CRB1: variants seen among roughly 807,000 people sequenced by gnomAD.
The protein encoded by CRB1 is crumbs cell polarity complex component 1.
A neutral mutation model predicts 120.0 loss-of-function variants in CRB1; 83 were observed. That is an observed-to-expected ratio of 0.69 (90% CI 0.58 to 0.83). The LOEUF (loss-of-function observed/expected upper bound fraction) is 0.83, where lower values mean the gene tolerates loss of function less well. CRB1 is among the 40% of genes least tolerant of loss of function. CRB1 has a pLI of 0.00. For missense variants in CRB1, 1,699 were observed against 1,687.6 expected, an observed-to-expected ratio of 1.01 and a Z score of -0.12; for synonymous variants, 625 against 612.5, an observed-to-expected ratio of 1.02 and a Z score of -0.30.
chr1:197,251,588 A>G, the CRB1 span, among the ~76,000 whole-genome samples: 1 of 152,078 alleles, frequency 6.6e-6, no homozygotes, highest in South Asian at 2.1e-4. Flanking sequence ...TACTTTTGTC[A>G]TGGCAAATGA....
At chr1:197,334,358 CT>C (rs1299360973) in intron 2 of CRB1, among the ~76,000 whole-genome samples, 1 of 152,202 alleles carries the variant, frequency 6.6e-6, no homozygotes, top group Non-Finnish European at 1.5e-5. Context: ...TGATTGCCTC[CT>C]CCAATACTCA....
intron 10 of CRB1, chr1:197,440,328 A>G (rs1665372002): frequency 6.6e-6 from 1 of 152,214 alleles, no homozygotes; most frequent in South Asian, 2.1e-4. Context: ...TACAAAATTT[A>G]TATTTGACAT....
At chr1:197,207,145 G>C in the CRB1 span, among the ~76,000 whole-genome samples, 2 of 152,050 alleles carry the variant, frequency 1.3e-5, no homozygotes, top group Non-Finnish European at 2.9e-5. Context: ...CAAACACTTG[G>C]TTGGTGAATT....
At chr1:197,325,337 A>G (rs529539725) in intron 1 of CRB1, among the ~76,000 whole-genome samples, 1 of 152,188 alleles carries the variant, frequency 6.6e-6, no homozygotes, top group Non-Finnish European at 1.5e-5. Flanking sequence ...CTCCAGTAGC[A>G]TTGTTTATAC....
At chr1:197,308,252 A>C (rs1349946034) in intron 1 of CRB1, among the ~76,000 whole-genome samples, 1 of 152,168 alleles carries the variant, frequency 6.6e-6, no homozygotes, top group Non-Finnish European at 1.5e-5. Flanking sequence ...ATGGACATAA[A>C]TATGGGAATA....
chr1:197,265,708 A>G (rs1654616762), upstream of CRB1, among the ~76,000 whole-genome samples: 1 of 152,144 alleles, frequency 6.6e-6, no homozygotes, highest in Admixed American at 6.5e-5. Flanking sequence ...ATTCGTTTTC[A>G]TGTTGCCTTA....
At chr1:197,278,162 TG>T (rs1003937808) in intron 1 of CRB1, among the ~76,000 whole-genome samples, 7 of 151,662 alleles carry the variant, frequency 4.6e-5, no homozygotes, top group African/African-American at 1.7e-4. Flanking sequence ...TTTTAGGGGG[TG>T]GGGCCTTTGG....
intron 1 of CRB1, chr1:197,304,272 A>G: frequency 3.3e-6 from 1 of 300,860 alleles, no homozygotes; most frequent in Non-Finnish European, 4.9e-6. Flanking sequence ...ATTTTTTAAC[A>G]TAAGTTAAAT....
chr1:197,457,188 A>G (rs1038944561), intron 11 of CRB1, among the ~76,000 whole-genome samples: 2 of 152,038 alleles, frequency 1.3e-5, no homozygotes, highest in East Asian at 1.9e-4. Context: ...TTGCCATACA[A>G]TCCTAAGTAC....
the CRB1 span, among the ~76,000 whole-genome samples, chr1:197,205,517 T>C: frequency 0.17 from 25,148 of 152,162 alleles, 2,529 homozygotes; most frequent in Middle Eastern, 0.27. Flanking sequence ...ATGTGACTTT[T>C]GTTTTGAATT....
chr1:197,224,384 A>G, the CRB1 span, among the ~76,000 whole-genome samples: 1 of 152,180 alleles, frequency 6.6e-6, no homozygotes, highest in Non-Finnish European at 1.5e-5. Context: ...TTATGGATAA[A>G]CATTTTTTCC....
intron 11 of CRB1, among the ~76,000 whole-genome samples, chr1:197,465,971 A>C (rs1489943248): frequency 1.3e-5 from 2 of 152,228 alleles, no homozygotes; most frequent in Admixed American, 6.5e-5. Flanking sequence ...TTAAAATAAT[A>C]TATTTTACAT....
In CRB1 at chr1:197,460,001, C is replaced by CTTTTTTTTTTTTTTTT. The variant is rs10679172; in HGVS notation, c.4006-17656_4006-17641dup. Among the ~76,000 whole-genome samples the CTTTTTTTTTTTTTTTT allele has an allele frequency of 7.3e-4, 55 of 75,632 alleles. 1 individual carries two copies. Among genetic ancestry groups the CTTTTTTTTTTTTTTTT allele is most frequent in the East Asian group, 2.7e-3 (5 of 1,844 alleles). 49.6% of individuals were successfully genotyped at this position (75,632 alleles called of 152,430 possible). On this transcript the variant is annotated intron_variant, in intron 11 of 11. Coordinates refer to ENST00000367400, the MANE Select transcript of CRB1 (RefSeq NM_201253.3). ...AGTAAGTCTTGCTTTAAGCCCCCCT[C>CTTTTTTTTTTTTTTTT]TTTTTTTTTTTTTTTTTTTTTTACT...
intron 1 of CRB1, among the ~76,000 whole-genome samples, chr1:197,283,120 AT>A (rs201362520): frequency 0.15 from 22,706 of 151,432 alleles, 2,007 homozygotes; most frequent in Middle Eastern, 0.23. Context: ...AATAAAAAAA[AT>A]AAAAATAAAC....
At chr1:197,308,828 TA>T (rs1028194295) in intron 1 of CRB1, among the ~76,000 whole-genome samples, 1 of 151,064 alleles carries the variant, frequency 6.6e-6, no homozygotes, top group Non-Finnish European at 1.5e-5. Context: ...AACAAATAAA[TA>T]AAAAATATAA....
chr1:197,216,061 A>G, the CRB1 span, among the ~76,000 whole-genome samples: 2 of 152,180 alleles, frequency 1.3e-5, no homozygotes, highest in African/African-American at 4.8e-5. Context: ...ACTTAACAGC[A>G]TGCTCTTTTG....
At chr1:197,312,551 C>T (rs905340786) in intron 1 of CRB1, among the ~76,000 whole-genome samples, 3 of 152,196 alleles carry the variant, frequency 2.0e-5, no homozygotes, top group African/African-American at 7.2e-5. Flanking sequence ...CACTGCACTC[C>T]AGCCTGAGGG....
At chr1:197,353,181 T>C (rs1660204919) in intron 4 of CRB1, among the ~76,000 whole-genome samples, 2 of 152,180 alleles carry the variant, frequency 1.3e-5, no homozygotes, top group Admixed American at 6.5e-5. Flanking sequence ...TATCTGCCCA[T>C]GATGGAAAGT....
At chr1:197,423,644 C>T (rs1452677359) in intron 6 of CRB1, among the ~76,000 whole-genome samples, 1 of 152,088 alleles carries the variant, frequency 6.6e-6, no homozygotes, top group East Asian at 1.9e-4. Context: ...AGTCTTTCTG[C>T]TACTGTACAT....
Sources: allele counts gnomAD v4.1 joint callset (sites outside exome capture counted in the v4.1 genomes callset), GRCh38; gene constraint gnomAD v4.1.1; transcripts MANE v1.5; gene names NCBI Gene and HGNC (gene_info 2026-07-23, HGNC 2026-07-21).